The following MAPK10 variants were observed in gnomAD, a reference collection of about 807,000 sequenced individuals.
MAPK10 encodes JNK3 alpha protein kinase.
In MAPK10, 25 loss-of-function variants were observed where a neutral mutation model predicts 59.3. The observed-to-expected ratio is 0.42, with a 90% confidence interval of 0.31 to 0.59. The LOEUF (loss-of-function observed/expected upper bound fraction) is 0.59, where lower values mean the gene tolerates loss of function less well. Ranked by LOEUF, MAPK10 falls within the 20% of genes least tolerant of loss-of-function variation. MAPK10 has a pLI of 0.15. For missense variants in MAPK10, 351 were observed against 568.9 expected (o/e 0.62, Z 3.90); for synonymous variants, 190 against 200.5 (o/e 0.95, Z 0.44).
intron 4 of MAPK10, among the ~76,000 whole-genome samples, chr4:86,118,627 C>T (rs73837410): frequency 0.049 from 7,477 of 151,068 alleles, 622 homozygotes; most frequent in African/African-American, 0.17. Flanking sequence ...TCTCTGAAGG[C>T]AAATCTTGTT....
At chr4:86,299,767 A>G (rs968329416) in intron 2 of MAPK10, among the ~76,000 whole-genome samples, 3 of 152,238 alleles carry the variant, frequency 2.0e-5, no homozygotes, top group Non-Finnish European at 2.9e-5. Context: ...AAAGAGTTTA[A>G]TTATAGTATT....
intron 11 of MAPK10, among the ~76,000 whole-genome samples, chr4:86,054,721 AGAGTTC>A (rs1385006383): frequency 1.3e-5 from 2 of 152,240 alleles, no homozygotes; most frequent in South Asian, 2.1e-4. Flanking sequence ...AAACCTACTT[AGAGTTC>A]AACTCCACAC....
At chr4:86,025,354 G>T (rs772844639) in intron 13 of MAPK10, 20 of 393,776 alleles carry the variant, frequency 5.1e-5, no homozygotes, top group Non-Finnish European at 8.1e-5. Context: ...AGCCACTTCT[G>T]CTGGATGATC....
chr4:86,409,018 G>A (rs1278191506), intron 1 of MAPK10, among the ~76,000 whole-genome samples: 1 of 152,000 alleles, frequency 6.6e-6, no homozygotes, highest in Non-Finnish European at 1.5e-5. Context: ...TTTCTTCTAG[G>A]GTTTTTATGG....
At chr4:86,263,759 T>C (rs914072241) in intron 2 of MAPK10, among the ~76,000 whole-genome samples, 2 of 152,222 alleles carry the variant, frequency 1.3e-5, no homozygotes, top group Admixed American at 1.3e-4. Flanking sequence ...GAACAAGACC[T>C]ATCTTTACCT....
chr4:86,222,500 C>T (rs1320042865), intron 2 of MAPK10, among the ~76,000 whole-genome samples: 1 of 152,214 alleles, frequency 6.6e-6, no homozygotes, highest in Non-Finnish European at 1.5e-5. Flanking sequence ...GGGGCATCGC[C>T]TTAGGGTCAC....
chr4:86,429,866 CAT>C (rs1747800458), intron 1 of MAPK10: 1 of 150,708 alleles, frequency 6.6e-6, no homozygotes, highest in Admixed American at 6.6e-5. Context: ...CTGATACTCA[CAT>C]ATGTGTTTTC....
At chr4:86,408,967 G>C (rs1258210447) in intron 1 of MAPK10, among the ~76,000 whole-genome samples, 1 of 152,074 alleles carries the variant, frequency 6.6e-6, no homozygotes, top group Non-Finnish European at 1.5e-5. Context: ...TAGTCATGAC[G>C]TCTTTGCCCA....
intron 1 of MAPK10, among the ~76,000 whole-genome samples, chr4:86,563,055 C>A (rs1315103090): frequency 6.6e-6 from 1 of 152,180 alleles, no homozygotes; most frequent in Non-Finnish European, 1.5e-5. Flanking sequence ...CACATAAAAA[C>A]TCCTACATAA....
chr4:86,283,064 T>C (rs866904856), intron 2 of MAPK10, among the ~76,000 whole-genome samples: 4 of 152,328 alleles, frequency 2.6e-5, no homozygotes, highest in South Asian at 2.1e-4. Flanking sequence ...ATAAAAACAC[T>C]ATTTTGTTCT....
At chr4:86,396,325 C>A (rs992036896) in intron 1 of MAPK10, among the ~76,000 whole-genome samples, 1 of 152,098 alleles carries the variant, frequency 6.6e-6, no homozygotes, top group Non-Finnish European at 1.5e-5. Flanking sequence ...CCAGCCTGGG[C>A]AAGAGTGCGA....
intron 5 of MAPK10, among the ~76,000 whole-genome samples, chr4:86,104,535 A>G (rs987501729): frequency 2.0e-5 from 3 of 152,220 alleles, no homozygotes; most frequent in South Asian, 2.1e-4. Context: ...GACTTTATCA[A>G]TCTCATAAAG....
chr4:86,074,893 A>G (rs200850144), intron 9 of MAPK10, among the ~76,000 whole-genome samples: 1 of 129,134 alleles, frequency 7.7e-6, no homozygotes, highest in African/African-American at 3.2e-5. Flanking sequence ...CTTCTCGAGG[A>G]GTATCTTTGT....
chr4:86,449,616 A>G (rs1750457813), intron 1 of MAPK10, among the ~76,000 whole-genome samples: 1 of 152,228 alleles, frequency 6.6e-6, no homozygotes, highest in East Asian at 1.9e-4. Context: ...TAAGTCATGC[A>G]TGCTTTTGCA....
chr4:86,307,145 C>G (rs2095583940), intron 2 of MAPK10, among the ~76,000 whole-genome samples: 1 of 152,142 alleles, frequency 6.6e-6, no homozygotes, highest in South Asian at 2.1e-4. Context: ...TTCCAGTTCT[C>G]TGAGCTACAT....
At chr4:86,261,276 A>G (rs556257376) in intron 2 of MAPK10, among the ~76,000 whole-genome samples, 1 of 152,348 alleles carries the variant, frequency 6.6e-6, no homozygotes, top group South Asian at 2.1e-4. Flanking sequence ...ATACTGTTGA[A>G]TCACTTTGAC....
chr4:86,513,690 T>G (rs1040348677), intron 1 of MAPK10, among the ~76,000 whole-genome samples: 3 of 152,146 alleles, frequency 2.0e-5, no homozygotes, highest in South Asian at 4.1e-4. Flanking sequence ...CTCAAAACTT[T>G]TATACAAACT....
chr4:86,332,163 G>A (rs1317950721), intron 2 of MAPK10, among the ~76,000 whole-genome samples: 1 of 151,756 alleles, frequency 6.6e-6, no homozygotes, highest in Non-Finnish European at 1.5e-5. Context: ...ACACAAACTA[G>A]AAGTACAAAA....
At chr4:86,519,657 T>A (rs1485186254) in intron 1 of MAPK10, among the ~76,000 whole-genome samples, 1 of 152,176 alleles carries the variant, frequency 6.6e-6, no homozygotes, top group African/African-American at 2.4e-5. Context: ...ATCATGCTAG[T>A]TGTTGCCTGA....
Sources: allele counts gnomAD v4.1 joint callset (sites outside exome capture counted in the v4.1 genomes callset), GRCh38; gene constraint gnomAD v4.1.1; transcripts MANE v1.5; gene names NCBI Gene and HGNC (gene_info 2026-07-23, HGNC 2026-07-21).